PECAM1: variants seen among roughly 807,000 people sequenced by gnomAD.
PECAM1 encodes platelet endothelial cell adhesion molecule.
PECAM1 carries 8 observed loss-of-function variants against 13.8 expected under a neutral mutation model. The ratio of observed to expected loss-of-function variants is 0.58; its 90% CI spans 0.34 to 1.05. The LOEUF (loss-of-function observed/expected upper bound fraction) is 1.05, where lower values mean the gene tolerates loss of function less well. PECAM1 is among the 50% of genes least tolerant of loss of function. The pLI is 0.03. For missense variants in PECAM1, 304 were observed against 141.2 expected (o/e 2.15, Z -5.84); for synonymous variants, 136 against 52.6 (o/e 2.58, Z -6.86).
At chr17:64,377,662 G>A in intron 3 of PECAM1, 162 bp downstream of exon 3, 2 of 279,652 alleles carry the variant, frequency 7.2e-6, no homozygotes, top group East Asian at 4.8e-5. Context: ...TTGGGAATAT[G>A]TCTAGTGCTT....
rs199775299 is a variant in PECAM1, at chr17:64,373,912, C to T, written c.691+1139G>A. Among the ~76,000 whole-genome samples the T allele has an allele frequency of 3.6e-4, 55 of 152,280 alleles. No homozygotes were observed. In the East Asian group the frequency reaches 9.8e-3, roughly 27 times the overall value. On this transcript the variant is annotated intron_variant, in intron 4 of 15. Coordinates refer to ENST00000563924, the MANE Select transcript of PECAM1 (RefSeq NM_000442.5). ...ACCGGGTCCTGGGAGTGGCTGACTACCTGTCCTAGAGCCCTGTATGTCCTG... is the reference window on the plus strand; with the variant it reads ...ACCGGGTCCTGGGAGTGGCTGACTATCTGTCCTAGAGCCCTGTATGTCCTG...
At chr17:64,336,972 A>C (rs2035296166) in intron 14 of PECAM1, among the ~76,000 whole-genome samples, 1 of 152,164 alleles carries the variant, frequency 6.6e-6, no homozygotes, top group African/African-American at 2.4e-5. Flanking sequence ...AGAAAGGAAG[A>C]AAAAGAAAAA....
chr17:64,385,769 C>T (rs994664929), intron 2 of PECAM1, among the ~76,000 whole-genome samples: 3 of 152,196 alleles, frequency 2.0e-5, no homozygotes, highest in Non-Finnish European at 2.9e-5. Flanking sequence ...ACTGAGCCTG[C>T]CAGGCCAAGG....
rs930828072 is a variant in PECAM1 at position 64,359,925 on chromosome 17, G to A, written c.1492+215C>T. Reference sequence around the variant, plus strand: ...ACGCCACCATGCCCAGCTAATTTTTGTATTTTTAGTAGAGATGGGGTTTCA... The same window carrying A: ...ACGCCACCATGCCCAGCTAATTTTTATATTTTTAGTAGAGATGGGGTTTCA... On this transcript the variant is annotated intron_variant, in intron 7 of 15. Transcript: ENST00000563924. Among the ~76,000 whole-genome samples, 227 of 152,136 alleles carry A rather than the reference G, an allele frequency of 1.5e-3. 7 individuals carry two copies. In the East Asian group the frequency reaches 0.042, roughly 28 times the overall value.
intron 9 of PECAM1, among the ~76,000 whole-genome samples, chr17:64,353,936 CTCTCT>C (rs1314575637): frequency 1.9e-4 from 22 of 113,488 alleles, no homozygotes; most frequent in East Asian, 1.0e-3. Flanking sequence ...CTTCCTCTCT[CTCTCT>C]TTTTTTTTTT....
chr17:64,377,734 G>A lies in PECAM1; in HGVS notation c.385+90C>T. ...GAGAGGGTGATGGGTGGAGAGTTAA[G>A]TCCAGTGTCACTATTCATTCACAGC... is the stretch of plus-strand genomic sequence containing the variant. On this transcript the variant is annotated intron_variant, in intron 3 of 15. Transcript: ENST00000563924. 3 of 468,166 alleles carry A rather than the reference G, an allele frequency of 6.4e-6. No individual in the cohort carries two copies. In the East Asian group the frequency reaches 9.4e-5, roughly 15 times the overall value. The allele number at this position is 468,166 out of a possible 1,614,324, so 29.0% of individuals were successfully genotyped here.
At chr17:64,354,080 C>G (rs2143787064) in intron 9 of PECAM1, among the ~76,000 whole-genome samples, 1 of 152,022 alleles carries the variant, frequency 6.6e-6, no homozygotes. Context: ...GCTGCAATTA[C>G]AGGCACCCAT....
intron 10 of PECAM1, 49 bp from the exon 11 acceptor site, chr17:64,352,512 G>A (rs2035748919): frequency 7.0e-6 from 3 of 427,320 alleles, no homozygotes; most frequent in African/African-American, 2.1e-5. Context: ...TATATTTGTT[G>A]TTGTTATTGT....
In PECAM1 at chr17:64,370,034, G is replaced by C; in HGVS notation, c.692-9C>G. 5.0e-6 allele frequency: 2 copies of C among 398,666 alleles called. No homozygotes were observed. Among genetic ancestry groups the C allele is most frequent in the Non-Finnish European group, 8.8e-6 (2 of 226,102 alleles). The allele number at this position is 398,666 out of a possible 1,614,324, so 24.7% of individuals were successfully genotyped here. On this transcript the variant is annotated splice_polypyrimidine_tract_variant and intron_variant, in intron 4 of 15. Transcript: ENST00000563924. ...GGGTGTAGAGAAGGATTCTGCAAGA[G>C]AGGAAGACAACCTGGTTGGACTCAG...
At chr17:64,347,810 C>T (rs943108054) in intron 13 of PECAM1, among the ~76,000 whole-genome samples, 13 of 148,914 alleles carry the variant, frequency 8.7e-5, no homozygotes, top group African/African-American at 3.2e-4. Flanking sequence ...AGCTCACTGC[C>T]ACCTCTGCCT....
chr17:64,388,472 T>G (rs1455008483), intron 2 of PECAM1, among the ~76,000 whole-genome samples: 3 of 152,102 alleles, frequency 2.0e-5, no homozygotes, highest in African/African-American at 7.2e-5. Context: ...TCACACCCAC[T>G]TCATGCCCAC....
At chr17:64,334,998 A>C (rs1481012520) in intron 14 of PECAM1, among the ~76,000 whole-genome samples, 2 of 152,152 alleles carry the variant, frequency 1.3e-5, no homozygotes, top group African/African-American at 4.8e-5. Flanking sequence ...ATGCTGCATC[A>C]AGAGTGGTTC....
intron 3 of PECAM1, among the ~76,000 whole-genome samples, chr17:64,376,998 T>C (rs1231062836): frequency 2.6e-5 from 4 of 152,010 alleles, no homozygotes; most frequent in African/African-American, 9.7e-5. Flanking sequence ...TACATTTCTA[T>C]TTATTAGGAA....
chr17:64,355,327 C>T (rs1006447562), intron 8 of PECAM1, among the ~76,000 whole-genome samples: 1 of 152,162 alleles, frequency 6.6e-6, no homozygotes, highest in Non-Finnish European at 1.5e-5. Flanking sequence ...GAAACAGGGT[C>T]TCACTCTGTC....
At chr17:64,351,607 C>T (rs1328708337) in intron 11 of PECAM1, among the ~76,000 whole-genome samples, 4 of 152,090 alleles carry the variant, frequency 2.6e-5, no homozygotes, top group Non-Finnish European at 5.9e-5. Flanking sequence ...CCCAGCTACT[C>T]AGGAGGCTGA....
intron 13 of PECAM1, among the ~76,000 whole-genome samples, chr17:64,342,463 G>C (rs2035458577): frequency 6.6e-6 from 1 of 152,198 alleles, no homozygotes; most frequent in Non-Finnish European, 1.5e-5. Flanking sequence ...CTGAGGTCTG[G>C]GTTAGAGCCT....
At chr17:64,336,124 G>A (rs1261079438) in intron 14 of PECAM1, among the ~76,000 whole-genome samples, 1 of 151,996 alleles carries the variant, frequency 6.6e-6, no homozygotes, top group Non-Finnish European at 1.5e-5. Context: ...AAAATTACCC[G>A]GGCGTGGTGG....
In PECAM1 at chr17:64,321,594, C is replaced by CA. The variant is rs5821431; in HGVS notation, c.*2221dup. The CA allele has an allele frequency of 6.6e-3, 2,715 of 410,644 alleles. 4 individuals are homozygous for CA. Among genetic ancestry groups the CA allele is most frequent in the African/African-American group, 0.014 (667 of 46,582 alleles). The allele number at this position is 410,644 out of a possible 1,614,324, so 25.4% of individuals were successfully genotyped here. Reference sequence around the variant, plus strand: ...GCACCATGGTGAAACCTCATCTCTGCAAAAAAAAAATTAAAAATTAGCCAG... The same window carrying CA: ...GCACCATGGTGAAACCTCATCTCTGCAAAAAAAAAAATTAAAAATTAGCCAG... On this transcript the variant is annotated 3_prime_UTR_variant, in exon 16 of 16. Coordinates refer to ENST00000563924, the MANE Select transcript of PECAM1 (RefSeq NM_000442.5).
intron 14 of PECAM1, among the ~76,000 whole-genome samples, chr17:64,335,684 A>C (rs1277189248): frequency 6.6e-6 from 1 of 152,216 alleles, no homozygotes; most frequent in Non-Finnish European, 1.5e-5. Flanking sequence ...TCTGCAGAGC[A>C]AGAATAATAA....
Sources: gnomAD v4.1 joint callset for allele counts (sites outside exome capture counted in the v4.1 genomes callset) on GRCh38, gnomAD v4.1.1 for gene constraint, MANE v1.5 for transcripts, NCBI Gene and HGNC (gene_info 2026-07-23, HGNC 2026-07-21) for gene names.